Variants in CNTNAP3B observed in about 807,000 individuals in gnomAD.
CNTNAP3B encodes contactin associated protein family member 3B, also known as contactin-associated protein-like 3B.
A neutral mutation model predicts 108.9 loss-of-function variants in CNTNAP3B; 25 were observed. That is an observed-to-expected ratio of 0.23 (90% CI 0.17 to 0.32). The LOEUF is 0.32. CNTNAP3B is among the 10% of genes least tolerant of loss of function. The probability of loss-of-function intolerance (pLI) is 1.00; values close to 1 mark genes in which losing one functional copy is unlikely to be tolerated. For synonymous variants in CNTNAP3B, 103 were observed against 473.4 expected, an observed-to-expected ratio of 0.22 and a Z score of 10.16; for missense variants, 252 against 1,210.4, an observed-to-expected ratio of 0.21 and a Z score of 11.75.
At position 41,993,401 on chromosome 9, in the gene CNTNAP3B, T is replaced by G. The variant is rs1370758052; in HGVS notation, c.1072-1530A>C. The G allele has an allele frequency of 3.4e-5, 4 of 118,338 alleles. 2 individuals carry two copies. Among genetic ancestry groups the G allele is most frequent in the Non-Finnish European group, 7.0e-5 (4 of 56,842 alleles). 7.3% of individuals were successfully genotyped at this position (118,338 alleles called of 1,614,324 possible). A position where few individuals can be genotyped will look rare whatever the true frequency, so the allele number is the denominator to read the frequency against. ...AATAATCTTTAATACACATTCTAAC[T>G]GTATACATCAATCAGAACATTTCTT... On this transcript the variant is annotated intron_variant, in intron 7 of 23. Coordinates refer to ENST00000377561, the MANE Select transcript of CNTNAP3B (RefSeq NM_001201380.3).
At position 42,003,659 on chromosome 9, in the gene CNTNAP3B, G is replaced by T. The variant is rs1228238126; in HGVS notation, c.539-5055C>A. 2.7e-4 allele frequency among the ~76,000 whole-genome samples: 35 copies of T among 130,408 alleles called. No individual in the cohort carries two copies. In the East Asian group the frequency reaches 7.8e-3, roughly 29 times the overall value. The allele number at this position is 130,408 out of a possible 152,430, so 85.6% of individuals were successfully genotyped here. A position where few individuals can be genotyped will look rare whatever the true frequency, so the allele number is the denominator to read the frequency against. On this transcript the variant is annotated intron_variant, in intron 4 of 23. Transcript: ENST00000377561. ...CAGAGGTTTACTCTCTAAATAAATT[G>T]AATATTAATTCCAATATGGGGTGAG...
At chr9:41,973,287 G>GAA (rs1316188385) in intron 9 of CNTNAP3B, among the ~76,000 whole-genome samples, 1,939 of 128,280 alleles carry the variant, frequency 0.015, 57 homozygotes, top group Middle Eastern at 0.025. Flanking sequence ...AACTCTGTTA[G>GAA]AAAAAAAAAA....
chr9:42,033,069 GC>G (rs1826552612), intron 3 of CNTNAP3B, among the ~76,000 whole-genome samples: 1 of 127,708 alleles, frequency 7.8e-6, no homozygotes. Flanking sequence ...CATGTGAATG[GC>G]TTTTCTGAGA....
intron 10 of CNTNAP3B, among the ~76,000 whole-genome samples, chr9:41,967,430 C>G (rs1193733722): frequency 1.3e-5 from 2 of 151,214 alleles, no homozygotes; most frequent in Admixed American, 1.3e-4. Flanking sequence ...TGAGGTCTCC[C>G]CAGCCATGTG....
At chr9:41,979,750 T>A (rs1825588601) in intron 9 of CNTNAP3B, 1 of 91,494 alleles carries the variant, frequency 1.1e-5, no homozygotes, top group African/African-American at 4.2e-5. Flanking sequence ...CGGCTAAATT[T>A]TTTTTGTGTG....
intron 10 of CNTNAP3B, among the ~76,000 whole-genome samples, chr9:41,966,784 G>A (rs1287886046): frequency 7.9e-5 from 12 of 151,570 alleles, no homozygotes; most frequent in Admixed American, 3.3e-4. Context: ...TGGCTAACAC[G>A]GTGAAACCCC....
intron 10 of CNTNAP3B, among the ~76,000 whole-genome samples, chr9:41,968,831 TC>T (rs1825358053): frequency 6.7e-6 from 1 of 150,370 alleles, no homozygotes; most frequent in African/African-American, 2.5e-5. Flanking sequence ...AGAGTCTGGC[TC>T]TGTTGCCCAG....
chr9:41,932,527 T>G (rs1160761501), intron 14 of CNTNAP3B, among the ~76,000 whole-genome samples: 28 of 151,566 alleles, frequency 1.8e-4, no homozygotes, highest in African/African-American at 6.5e-4. Context: ...CTTCTTTTTT[T>G]TTTTTTTTCG....
intron 15 of CNTNAP3B, among the ~76,000 whole-genome samples, chr9:41,925,332 G>A (rs1378388648): frequency 0.011 from 1,694 of 151,024 alleles, 9 homozygotes; most frequent in African/African-American, 0.04. Flanking sequence ...AGTGGCTCAC[G>A]CCTGTAATCC....
chr9:41,953,035 G>C lies in CNTNAP3B; in HGVS notation c.2080+148C>G. The stretch of plus-strand genomic sequence containing the variant: ...CTTGAATGCTCTTTGGTCCAACCAA[G>C]AGCGGGAAGAGAAGGAGAGAGCGGT... On this transcript the variant is annotated intron_variant, in intron 13 of 23. Transcript: ENST00000377561. 3 of 1,092,068 alleles carry C rather than the reference G, an allele frequency of 2.7e-6. No individual in the cohort carries two copies. In the Admixed American group the frequency reaches 1.1e-4, roughly 41 times the overall value. 67.6% of individuals were successfully genotyped at this position (1,092,068 alleles called of 1,614,324 possible).
At chr9:41,924,645 G>GCGCGCGCGCGCACA (rs1474850625) in intron 15 of CNTNAP3B, among the ~76,000 whole-genome samples, 40 of 135,110 alleles carry the variant, frequency 3.0e-4, no homozygotes, top group Middle Eastern at 3.8e-3. Flanking sequence ...TTTCCTTCCT[G>GCGCGCGCGCGCACA]CACACACACA....
At chr9:41,943,164 TAC>T (rs1336274181) in intron 13 of CNTNAP3B, among the ~76,000 whole-genome samples, 3 of 152,266 alleles carry the variant, frequency 2.0e-5, no homozygotes, top group Non-Finnish European at 4.4e-5. Context: ...CAGAAGGAAA[TAC>T]AGAGATTAAA....
rs1247679217 is a variant in CNTNAP3B at position 42,129,024 on chromosome 9, C to G, written c.71G>C (p.Gly24Ala). The change falls in exon 1 of 24, where the codon GGA becomes GCA. Residue 24 changes from glycine to alanine, a missense_variant. Physicochemically the swap from Gly to Ala is moderately conservative, Grantham distance 60. Coordinates refer to ENST00000377561, the MANE Select transcript of CNTNAP3B (RefSeq NM_001201380.3). The stretch of plus-strand genomic sequence containing the variant: ...GCTGTACTTACGTGGATTTCCTGCT[C>G]CTACGGGGCTCCAAGTCTGAGTGGG... ...LLPTQTWSPV[G>A]AGNPPDCDSP... The G allele has an allele frequency of 1.3e-6, 2 of 1,578,254 alleles. No homozygotes were observed. Among genetic ancestry groups the G allele is most frequent in the Non-Finnish European group, 1.7e-6 (2 of 1,168,402 alleles).
chr9:42,108,844 C>A (rs528288743), intron 1 of CNTNAP3B, among the ~76,000 whole-genome samples: 1 of 140,470 alleles, frequency 7.1e-6, no homozygotes, highest in African/African-American at 2.8e-5. Context: ...TTTGTGATTC[C>A]CAGCATGGTG....
At chr9:41,925,692 A>G (rs1225531265) in intron 15 of CNTNAP3B, among the ~76,000 whole-genome samples, 2 of 152,300 alleles carry the variant, frequency 1.3e-5, no homozygotes, top group Non-Finnish European at 2.9e-5. Flanking sequence ...TCACTCTTGA[A>G]TTTGTATTCT....
rs1425984762 is a variant in CNTNAP3B, at chr9:42,036,469, C to T, written c.391-22944G>A. The stretch of plus-strand genomic sequence containing the variant: ...GGGTCTCACTAATACTTTTTAAGAT[C>T]GAACTGCAAGGCAGCAGCGAGACTA... On this transcript the variant is annotated intron_variant, in intron 3 of 23. Coordinates refer to ENST00000377561, the MANE Select transcript of CNTNAP3B (RefSeq NM_001201380.3). Among the ~76,000 whole-genome samples, 21 of 138,702 alleles carry T rather than the reference C, an allele frequency of 1.5e-4. 2 individuals carry two copies. The highest frequency in any genetic ancestry group is 5.7e-4 in the African/African-American group (20 of 34,794). The allele number at this position is 138,702 out of a possible 152,430, so 91.0% of individuals were successfully genotyped here.
chr9:41,924,660 C>T (rs1488705950), intron 15 of CNTNAP3B, among the ~76,000 whole-genome samples: 16 of 148,110 alleles, frequency 1.1e-4, no homozygotes, highest in African/African-American at 3.5e-4. Flanking sequence ...CACACACACA[C>T]ACACACACAC....
intron 14 of CNTNAP3B, among the ~76,000 whole-genome samples, chr9:41,932,030 T>C: frequency 6.6e-6 from 1 of 152,116 alleles, no homozygotes; most frequent in Non-Finnish European, 1.5e-5. Flanking sequence ...GTTTTCATTC[T>C]GAGCATAAAG....
intron 13 of CNTNAP3B, among the ~76,000 whole-genome samples, chr9:41,942,817 A>G (rs1824400146): frequency 6.6e-6 from 1 of 151,862 alleles, no homozygotes; most frequent in African/African-American, 2.4e-5. Context: ...ATAACCTTAG[A>G]GGAAATTTTG....
Sources: gnomAD v4.1 joint callset for allele counts (sites outside exome capture counted in the v4.1 genomes callset) on GRCh38, gnomAD v4.1.1 for gene constraint, MANE v1.5 for transcripts, NCBI Gene and HGNC (gene_info 2026-07-23, HGNC 2026-07-21) for gene names.